The following TRAF3IP1 variants were observed in gnomAD, a reference collection of about 807,000 sequenced individuals.
The protein encoded by TRAF3IP1 is intraflagellar transport 54, also known as TRAF3-interacting protein 1.
TRAF3IP1 carries 53 observed loss-of-function variants against 89.9 expected under a neutral mutation model. The observed-to-expected ratio is 0.59, with a 90% CI of 0.47 to 0.74. TRAF3IP1 has a LOEUF of 0.74. Among genes scored for constraint, TRAF3IP1 ranks in the 30% least tolerant of loss-of-function variants. The pLI is 0.00. For missense variants in TRAF3IP1, 806 were observed against 866.1 expected, an observed-to-expected ratio of 0.93 and a Z score of 0.87; for synonymous variants, 311 against 322.1, an observed-to-expected ratio of 0.97 and a Z score of 0.37.
intron 15 of TRAF3IP1, among the ~76,000 whole-genome samples, chr2:238,368,939 C>T (rs978315130): frequency 1.3e-5 from 2 of 152,162 alleles, no homozygotes; most frequent in Admixed American, 1.3e-4. Flanking sequence ...TCCCAAAGTG[C>T]TGGGATTACA....
At chr2:238,346,252 G>A (rs563444330) in intron 9 of TRAF3IP1, among the ~76,000 whole-genome samples, 1 of 152,232 alleles carries the variant, frequency 6.6e-6, no homozygotes, top group Admixed American at 6.5e-5. Flanking sequence ...TGAGTCCTCT[G>A]CCCCCATTGG....
intron 15 of TRAF3IP1, among the ~76,000 whole-genome samples, chr2:238,388,451 C>T (rs996178162): frequency 1.3e-5 from 2 of 150,806 alleles, no homozygotes; most frequent in East Asian, 1.9e-4. Flanking sequence ...GACCTACATT[C>T]GAGATGAACA....
intron 13 of TRAF3IP1, 27 bp from the exon 14 acceptor site, chr2:238,353,146 C>A: frequency 6.2e-7 from 1 of 1,614,004 alleles, no homozygotes; most frequent in Non-Finnish European, 8.5e-7. Flanking sequence ...CCTGAATCTT[C>A]TTTTTCCCCC....
At chr2:238,373,160 G>A (rs1192845728) in intron 15 of TRAF3IP1, among the ~76,000 whole-genome samples, 2 of 152,102 alleles carry the variant, frequency 1.3e-5, no homozygotes. Context: ...GTGTATTTTG[G>A]CTTTTGTTGC....
chr2:238,392,287 C>A (rs1232233382), intron 15 of TRAF3IP1, among the ~76,000 whole-genome samples: 1 of 152,140 alleles, frequency 6.6e-6, no homozygotes, highest in Admixed American at 6.5e-5. Flanking sequence ...TCTTACAGAA[C>A]CATAGTACAT....
At chr2:238,329,422 A>G (rs1465451144) in intron 5 of TRAF3IP1, 80 bp downstream of exon 5, 1 of 1,246,190 alleles carries the variant, frequency 8.0e-7, no homozygotes, top group African/African-American at 1.5e-5. Context: ...CCTTTCTTAC[A>G]ATATGACTAG....
At chr2:238,386,172 G>A (rs1384577213) in intron 15 of TRAF3IP1, among the ~76,000 whole-genome samples, 3 of 152,156 alleles carry the variant, frequency 2.0e-5, no homozygotes, top group Middle Eastern at 3.2e-3. Context: ...GGCAAGCTGG[G>A]ATTGGTGAGT....
intron 10 of TRAF3IP1, 124 bp from the exon 11 acceptor site, chr2:238,348,640 G>C: frequency 2.6e-6 from 2 of 776,542 alleles, no homozygotes; most frequent in East Asian, 2.7e-5. Context: ...TTGCTCATTT[G>C]TATTTGCAAT....
At chr2:238,391,208 C>T (rs1700981537) in intron 15 of TRAF3IP1, among the ~76,000 whole-genome samples, 1 of 152,182 alleles carries the variant, frequency 6.6e-6, no homozygotes, top group Non-Finnish European at 1.5e-5. Context: ...CTGCCCACCT[C>T]AGCCTCCCAA....
In TRAF3IP1 at chr2:238,398,964, C is replaced by A; in HGVS notation, c.*45C>A. 3 of 1,516,722 alleles carry A rather than the reference C, an allele frequency of 2.0e-6. No individual in the cohort carries two copies. The highest frequency in any genetic ancestry group is 1.3e-5 in the South Asian group (1 of 78,724). 94.0% of individuals were successfully genotyped at this position (1,516,722 alleles called of 1,614,324 possible). A position where few individuals can be genotyped will look rare whatever the true frequency, so the allele number is the denominator to read the frequency against. ...ATGAAAAGTCACCTCAGTTTAAAAG[C>A]AAAAAGGAAGATAGAAAATCATTAC... On this transcript the variant is annotated 3_prime_UTR_variant, in exon 17 of 17. Coordinates refer to ENST00000373327, the MANE Select transcript of TRAF3IP1 (RefSeq NM_015650.4).
chr2:238,349,033 A>G lies in TRAF3IP1; in HGVS notation c.1367+185A>G, dbSNP rs1229245092. 2.0e-5 allele frequency among the ~76,000 whole-genome samples: 3 copies of G among 152,338 alleles called. No individual in the cohort carries two copies. In the East Asian group the frequency reaches 5.8e-4, roughly 29 times the overall value. On this transcript the variant is annotated intron_variant, in intron 11 of 16. Transcript: ENST00000373327. ...GAGTTATATCACTATATAGTGATAT[A>G]ATATTTTGGAGATTTAGGGGAATTC...
intron 15 of TRAF3IP1, among the ~76,000 whole-genome samples, chr2:238,357,425 A>G (rs549720774): frequency 1.5e-4 from 23 of 152,248 alleles, no homozygotes; most frequent in Non-Finnish European, 2.9e-4. Context: ...GCACACATAT[A>G]TGTATTTCTC....
intron 15 of TRAF3IP1, among the ~76,000 whole-genome samples, chr2:238,382,219 C>T (rs1700579611): frequency 6.6e-6 from 1 of 152,144 alleles, no homozygotes; most frequent in East Asian, 1.9e-4. Context: ...ACAGATGCCA[C>T]AGTGGTTCTC....
chr2:238,335,770 ATTT>A (rs2106373846), intron 7 of TRAF3IP1, among the ~76,000 whole-genome samples: 1 of 9,180 alleles, frequency 1.1e-4, no homozygotes, highest in East Asian at 3.6e-3. Context: ...ATTTTATTTT[ATTT>A]ATTTATTTAT....
chr2:238,343,437 G>A (rs1318332407), intron 8 of TRAF3IP1, among the ~76,000 whole-genome samples: 1 of 151,808 alleles, frequency 6.6e-6, no homozygotes, highest in Non-Finnish European at 1.5e-5. Context: ...GCTGGAGAGT[G>A]GTGGCATGAT....
At chr2:238,361,333 T>G (rs146641781) in intron 15 of TRAF3IP1, among the ~76,000 whole-genome samples, 1 of 152,266 alleles carries the variant, frequency 6.6e-6, no homozygotes, top group Non-Finnish European at 1.5e-5. Context: ...TGGCCAAACT[T>G]TTCTATTTTG....
intron 15 of TRAF3IP1, among the ~76,000 whole-genome samples, chr2:238,363,793 C>G (rs754118361): frequency 1.3e-5 from 2 of 152,110 alleles, no homozygotes; most frequent in African/African-American, 2.4e-5. Context: ...AACCCCGTCT[C>G]TACTAAAAAT....
chr2:238,397,352 C>A, intron 15 of TRAF3IP1, 107 bp from the exon 16 acceptor site: 1 of 913,828 alleles, frequency 1.1e-6, no homozygotes, highest in Non-Finnish European at 1.7e-6. Context: ...ACTGTCTCTG[C>A]CTGCGCCTTT....
At chr2:238,327,922 C>T (rs189865418) in intron 3 of TRAF3IP1, among the ~76,000 whole-genome samples, 46 of 152,232 alleles carry the variant, frequency 3.0e-4, no homozygotes, top group East Asian at 9.6e-4. Flanking sequence ...AGAATTTCAT[C>T]GCTTTTTAGG....
Sources: gnomAD v4.1 joint callset for allele counts (sites outside exome capture counted in the v4.1 genomes callset) on GRCh38, gnomAD v4.1.1 for gene constraint, MANE v1.5 for transcripts, NCBI Gene and HGNC (gene_info 2026-07-23, HGNC 2026-07-21) for gene names.